DECR1: variants seen among roughly 807,000 people sequenced by gnomAD.
The protein encoded by DECR1 is 2,4-dienoyl-CoA reductase [(3E)-enoyl-CoA-producing], mitochondrial.
A neutral mutation model predicts 38.8 loss-of-function variants in DECR1; 44 were observed. The ratio of observed to expected loss-of-function variants is 1.13; its 90% CI spans 0.89 to 1.46. The LOEUF (loss-of-function observed/expected upper bound fraction) is 1.46, where lower values mean the gene tolerates loss of function less well. DECR1 is among the 40% of genes most tolerant of loss of function. DECR1 has a pLI of 0.00. For missense variants in DECR1, 428 were observed against 405.5 expected (o/e 1.06, Z -0.48); for synonymous variants, 148 against 135.2 (o/e 1.09, Z -0.66).
intron 5 of DECR1, among the ~76,000 whole-genome samples, chr8:90,021,659 T>A (rs1340658814): frequency 6.6e-6 from 1 of 152,174 alleles, no homozygotes; most frequent in Non-Finnish European, 1.5e-5. Flanking sequence ...AGGAGTGCCA[T>A]TCAGGAGGAT....
chr8:90,032,613 T>C (rs1813524215), intron 5 of DECR1, among the ~76,000 whole-genome samples: 1 of 152,200 alleles, frequency 6.6e-6, no homozygotes, highest in South Asian at 2.1e-4. Context: ...ATATATTTCT[T>C]ATCTTGTTAG....
chr8:90,016,756 G>T (rs1184223519), intron 1 of DECR1: 2 of 210,866 alleles, frequency 9.5e-6, no homozygotes, highest in Non-Finnish European at 1.9e-5. Context: ...TGCTTACTAT[G>T]TGCTACACAC....
rs758945732 is a variant in DECR1, at chr8:90,051,848, A to T, written c.959A>T (p.Glu320Val). 1 of 1,613,830 alleles carries T rather than the reference A, an allele frequency of 6.2e-7. No individual in the cohort carries two copies. Among genetic ancestry groups the T allele is most frequent in the South Asian group, 1.1e-5 (1 of 91,066 alleles). ...EFNDLRKVTK[E>V]QWDTIEELIR... Reference sequence around the variant, plus strand: ...TCTTTTTTGTGTTAGGTCACCAAGGAGCAGTGGGACACCATAGAAGAACTC... The same window carrying T: ...TCTTTTTTGTGTTAGGTCACCAAGGTGCAGTGGGACACCATAGAAGAACTC... The change falls in exon 10 of 10, where the codon GAG becomes GTG. Residue 320 changes from glutamate (E) to valine (V), a missense_variant. Glu to Val is a moderately radical substitution (Grantham distance 121, BLOSUM62 -2). Transcript: ENST00000220764.
intron 1 of DECR1, among the ~76,000 whole-genome samples, chr8:90,009,715 CATT>C (rs1812836663): frequency 6.6e-6 from 1 of 152,154 alleles, no homozygotes; most frequent in South Asian, 2.1e-4. Context: ...AAAAGATTGT[CATT>C]ATAGTTTTGG....
intron 8 of DECR1, among the ~76,000 whole-genome samples, chr8:90,048,832 T>C (rs1272054001): frequency 6.6e-6 from 1 of 152,132 alleles, no homozygotes; most frequent in Non-Finnish European, 1.5e-5. Context: ...ATCAAAAAGG[T>C]TATCCACCAC....
chr8:90,025,934 G>A (rs1813323431), intron 5 of DECR1, among the ~76,000 whole-genome samples: 2 of 152,106 alleles, frequency 1.3e-5, no homozygotes, highest in Non-Finnish European at 2.9e-5. Flanking sequence ...AGCATGAAGG[G>A]CGGTTGAATT....
chr8:90,032,003 A>T (rs768184363), intron 5 of DECR1, among the ~76,000 whole-genome samples: 3 of 152,212 alleles, frequency 2.0e-5, no homozygotes, highest in Non-Finnish European at 4.4e-5. Context: ...CACAAACTTA[A>T]CAGCTTAATA....
chr8:90,032,156 G>A (rs921669001), intron 5 of DECR1, among the ~76,000 whole-genome samples: 1 of 152,126 alleles, frequency 6.6e-6, no homozygotes, highest in African/African-American at 2.4e-5. Context: ...TCTAGAAAGA[G>A]TCTGTATCCA....
In DECR1 at chr8:90,052,076, T is replaced by C. The variant is rs776347130; in HGVS notation, c.*179T>C. On this transcript the variant is annotated 3_prime_UTR_variant, in exon 10 of 10. Transcript: ENST00000220764. Reference sequence around the variant, plus strand: ...ATTCAAAGATAAATAAAATGAAATATAGTCCTTCAAAACATTAAAAAAAAA... The same window carrying C: ...ATTCAAAGATAAATAAAATGAAATACAGTCCTTCAAAACATTAAAAAAAAA... The C allele has an allele frequency of 9.0e-6, 5 of 557,508 alleles. No homozygotes were observed. The highest frequency in any genetic ancestry group is 5.3e-5 in the South Asian group (2 of 37,690). 34.5% of individuals were successfully genotyped at this position (557,508 alleles called of 1,614,324 possible). A position where few individuals can be genotyped will look rare whatever the true frequency, so the allele number is the denominator to read the frequency against.
chr8:90,017,676 G>A (rs1813044208), intron 2 of DECR1, among the ~76,000 whole-genome samples: 1 of 152,162 alleles, frequency 6.6e-6, no homozygotes, highest in Non-Finnish European at 1.5e-5. Flanking sequence ...TGTAATCCCA[G>A]CTACTGGGAA....
chr8:90,043,036 G>C (rs765740543), intron 7 of DECR1, among the ~76,000 whole-genome samples: 1 of 152,020 alleles, frequency 6.6e-6, no homozygotes, highest in Non-Finnish European at 1.5e-5. Context: ...TTAATCGTTT[G>C]GGATCTTTTA....
rs1272214940 is a variant in DECR1, at chr8:90,020,942, T to C, written c.451T>C (p.Ser151Pro). 2.5e-6 allele frequency: 4 copies of C among 1,583,408 alleles called. No homozygotes were observed. In the East Asian group the frequency reaches 9.2e-5, roughly 37 times the overall value. The change falls in exon 5 of 10, where the codon TCT becomes CCT. Residue 151 changes from serine (S) to proline (P), a missense_variant. By Grantham distance (74) the Ser-to-Pro change is moderately conservative. Coordinates refer to ENST00000220764, the MANE Select transcript of DECR1 (RefSeq NM_001359.2). ...AAACAATGCAGCAGGGAATTTTATT[T>C]CTCCTACTGAAAGACTTTCTCCTAA... ...VINNAAGNFI[S>P]PTERLSPNAW...
chr8:90,047,597 G>A (rs1299001646), intron 8 of DECR1, among the ~76,000 whole-genome samples: 8 of 151,940 alleles, frequency 5.3e-5, no homozygotes, highest in Non-Finnish European at 1.0e-4. Flanking sequence ...AGACTTTAAC[G>A]CCCCACTGTC....
rs774728429 is a variant in DECR1 at position 90,044,996 on chromosome 8, G to C, written c.885+1G>C. ...TTATGCTTCTTGGATTAATGGAGCA[G>C]TAAGCGTTGTTTATTTCTCTTCACT... On this transcript the variant is annotated splice_donor_variant, in intron 8 of 9. Coordinates refer to ENST00000220764, the MANE Select transcript of DECR1 (RefSeq NM_001359.2). LOFTEE classifies it high-confidence loss of function. The C allele has an allele frequency of 3.1e-6, 5 of 1,613,490 alleles. No homozygotes were observed. The Admixed American group carries it at 8.3e-5, about 27-fold the overall frequency.
At chr8:90,019,960 T>G (rs1805880) in intron 4 of DECR1, among the ~76,000 whole-genome samples, 6,525 of 152,304 alleles carry the variant, frequency 0.043, 284 homozygotes, top group East Asian at 0.19. Flanking sequence ...AGCATTGAGT[T>G]TAAATGATTG....
intron 5 of DECR1, chr8:90,030,629 C>T (rs1397938004): frequency 1.3e-5 from 2 of 152,174 alleles, no homozygotes; most frequent in Non-Finnish European, 1.5e-5. Context: ...GGAATGGAAG[C>T]AAATGCACCT....
intron 5 of DECR1, among the ~76,000 whole-genome samples, chr8:90,028,716 C>G (rs1813416970): frequency 6.7e-6 from 1 of 149,878 alleles, no homozygotes; most frequent in Non-Finnish European, 1.5e-5. Context: ...TTCCTTCCTC[C>G]CTTCCTTTCT....
chr8:90,018,945 T>G lies in DECR1; in HGVS notation c.309T>G (p.Ile103Met). Residue 103 changes from isoleucine (I) to methionine (M), a missense_variant, in exon 3 of 10, where the codon ATT becomes ATG. Coordinates refer to ENST00000220764, the MANE Select transcript of DECR1 (RefSeq NM_001359.2). ...TTTTGAAAGCTACCGCAGAACAAAT[T>G]TCTTCTCAAACTGGAAATAAGGTAC... is the stretch of plus-strand genomic sequence containing the variant. ...MDVLKATAEQ[I>M]SSQTGNKVHA... is the part of the protein sequence containing the mutation. The G allele has an allele frequency of 3.1e-6, 5 of 1,595,064 alleles. No individual in the cohort carries two copies. Among genetic ancestry groups the G allele is most frequent in the Non-Finnish European group, 3.4e-6 (4 of 1,166,396 alleles).
intron 6 of DECR1, among the ~76,000 whole-genome samples, chr8:90,040,601 T>G (rs1813734889): frequency 6.6e-6 from 1 of 152,156 alleles, no homozygotes; most frequent in Non-Finnish European, 1.5e-5. Flanking sequence ...ATTAGGAATT[T>G]TTCCTAATGC....
Sources: allele counts gnomAD v4.1 joint callset (sites outside exome capture counted in the v4.1 genomes callset), GRCh38; gene constraint gnomAD v4.1.1; transcripts MANE v1.5; gene names NCBI Gene and HGNC (gene_info 2026-07-23, HGNC 2026-07-21).